ZNF280D: variants seen among roughly 807,000 people sequenced by gnomAD.
ZNF280D encodes the protein zinc finger protein 280D.
ZNF280D carries 39 observed loss-of-function variants against 94.7 expected under a neutral mutation model. That is an observed-to-expected ratio of 0.41 (90% CI 0.32 to 0.54). ZNF280D has a LOEUF of 0.54. ZNF280D is among the 20% of genes least tolerant of loss of function. The pLI, the probability that ZNF280D is intolerant of heterozygous loss-of-function variation, is 0.22. For missense variants in ZNF280D, 1,090 were observed against 1,149.3 expected (o/e 0.95, Z 0.75); for synonymous variants, 398 against 377.6 (o/e 1.05, Z -0.63).
Position 56,689,011 on chromosome 15 carries a change from T to A in ZNF280D, c.780+30A>T, listed in dbSNP as rs757679381. 1.5e-5 allele frequency: 22 copies of A among 1,502,642 alleles called. No individual in the cohort carries two copies. In the East Asian group the frequency reaches 5.0e-4, roughly 34 times the overall value. The allele number at this position is 1,502,642 out of a possible 1,614,324, so 93.1% of individuals were successfully genotyped here. On this transcript the variant is annotated intron_variant, in intron 9 of 21. Transcript: ENST00000267807. ...AGTATTTTTAGAAATGTGCAAACTT[T>A]TTACAAATTAAATTTTGAAAGAGTT...
At chr15:56,636,732 C>T (rs1219533563) in intron 20 of ZNF280D, among the ~76,000 whole-genome samples, 1 of 152,122 alleles carries the variant, frequency 6.6e-6, no homozygotes, top group Admixed American at 6.5e-5. Flanking sequence ...GATCCACCCA[C>T]CTCGGCCTCC....
intron 3 of ZNF280D, 38 bp downstream of exon 3, chr15:56,707,044 C>T (rs1268147794): frequency 1.2e-6 from 2 of 1,600,576 alleles, no homozygotes; most frequent in African/African-American, 1.3e-5. Flanking sequence ...GATACAAAAG[C>T]CACATATATT....
At chr15:56,639,368 G>A (rs528522909) in intron 20 of ZNF280D, among the ~76,000 whole-genome samples, 2 of 150,136 alleles carry the variant, frequency 1.3e-5, no homozygotes, top group African/African-American at 4.9e-5. Flanking sequence ...AAAAAAAGGA[G>A]AACACAGAAA....
At chr15:56,720,132 T>C (rs374950657) in intron 1 of ZNF280D, among the ~76,000 whole-genome samples, 3 of 152,322 alleles carry the variant, frequency 2.0e-5, no homozygotes, top group African/African-American at 7.2e-5. Context: ...TAGCATTTGA[T>C]CCACAGTAGA....
chr15:56,650,550 T>C (rs1224940426), intron 19 of ZNF280D, among the ~76,000 whole-genome samples: 6 of 152,236 alleles, frequency 3.9e-5, no homozygotes, highest in Middle Eastern at 6.8e-3. Context: ...CTAAATCAAC[T>C]TTTAAAATCT....
chr15:56,730,622 A>C (rs544301422), intron 1 of ZNF280D: 1 of 152,374 alleles, frequency 6.6e-6, no homozygotes, highest in African/African-American at 2.4e-5. Flanking sequence ...GGTCCTAAGC[A>C]AACTTTCAAA....
chr15:56,732,189 A>C (rs1261342693), intron 1 of ZNF280D, among the ~76,000 whole-genome samples: 1 of 152,164 alleles, frequency 6.6e-6, no homozygotes, highest in East Asian at 1.9e-4. Context: ...GGCTCTTCCT[A>C]GTCAGTGACC....
chr15:56,718,526 G>A (rs1179513360), intron 1 of ZNF280D, among the ~76,000 whole-genome samples: 1 of 152,050 alleles, frequency 6.6e-6, no homozygotes, highest in African/African-American at 2.4e-5. Context: ...TTAATACATA[G>A]AAAGGCTATG....
chr15:56,666,288 C>T, intron 16 of ZNF280D, 107 bp downstream of exon 16: 1 of 1,165,344 alleles, frequency 8.6e-7, no homozygotes, highest in Non-Finnish European at 1.2e-6. Context: ...ATCCTTTTAG[C>T]TCCTTGAAGA....
chr15:56,689,208 A>G (rs1288041274), intron 8 of ZNF280D, 58 bp from the exon 9 acceptor site: 1 of 1,559,776 alleles, frequency 6.4e-7, no homozygotes, highest in Non-Finnish European at 8.7e-7. Context: ...ACCTTAAATA[A>G]CCACTAATAA....
In ZNF280D at chr15:56,670,189, GTTTA is replaced by G. The variant is rs747075583; in HGVS notation, c.1411-1236_1411-1233del. 3.7e-4 allele frequency among the ~76,000 whole-genome samples: 54 copies of G among 144,822 alleles called. No individual in the cohort carries two copies. In the South Asian group the frequency reaches 7.4e-3, roughly 20 times the overall value. ...TCACTATGTCCATTGAAATACAACT[GTTTA>G]TTTATTTATTTATTAACTTTTAAGC... is the stretch of plus-strand genomic sequence containing the variant. On this transcript the variant is annotated intron_variant, in intron 13 of 21. Transcript: ENST00000267807.
Position 56,631,536 on chromosome 15 carries a change from C to T in ZNF280D, c.2902G>A (p.Ala968Thr), listed in dbSNP as rs376098666. 1.9e-6 allele frequency: 3 copies of T among 1,613,842 alleles called. No homozygotes were observed. The Admixed American group carries it at 5.0e-5, about 27-fold the overall frequency. ...PGGNNPSTTE[A>T]TVDLEDEKER... Reference sequence around the variant, plus strand: ...TTTTCGTCTTCCAGGTCTACTGTTGCCTCTGTTGTGCTAGGGTTATTTCCT... The same window carrying T: ...TTTTCGTCTTCCAGGTCTACTGTTGTCTCTGTTGTGCTAGGGTTATTTCCT... The change falls in exon 22 of 22, where the codon GCA becomes ACA. Residue 968 changes from alanine (A) to threonine (T), a missense_variant. Ala to Thr is a moderately conservative substitution (Grantham distance 58, BLOSUM62 0). This residue lies in a region of ZNF280D where 577 missense variants were observed against 568.8 expected (regional missense o/e 1.01). Coordinates refer to ENST00000267807, the MANE Select transcript of ZNF280D (RefSeq NM_017661.4).
rs906904714 is a variant in ZNF280D at position 56,661,176 on chromosome 15, A to G, written c.1995-2690T>C. Among the ~76,000 whole-genome samples, 11 of 152,318 alleles carry G rather than the reference A, an allele frequency of 7.2e-5. No homozygotes were observed. In the East Asian group the frequency reaches 2.1e-3, roughly 29 times the overall value. On this transcript the variant is annotated intron_variant, in intron 16 of 21. Transcript: ENST00000267807. ...ACAATTAGGAGTTCACTGCAGTTAG[A>G]AGACTCTTACTGCTTCACTTCCAGG...
At chr15:56,690,281 C>G (rs1461499559) in intron 7 of ZNF280D, among the ~76,000 whole-genome samples, 1 of 152,090 alleles carries the variant, frequency 6.6e-6, no homozygotes, top group African/African-American at 2.4e-5. Flanking sequence ...ACTCGGGAGG[C>G]TGAGGCAGGA....
chr15:56,724,714 C>T (rs2058546377), intron 1 of ZNF280D: 2 of 258,068 alleles, frequency 7.7e-6, no homozygotes, highest in African/African-American at 4.5e-5. Context: ...TAACTGTGAA[C>T]ATACTTTATA....
In ZNF280D at chr15:56,669,915, TATATA is replaced by T. The variant is rs2054637276; in HGVS notation, c.1411-963_1411-959del. Among the ~76,000 whole-genome samples the T allele has an allele frequency of 8.7e-4, 2 of 2,304 alleles. 1 individual carries two copies. Among genetic ancestry groups the T allele is most frequent in the Non-Finnish European group, 1.8e-3 (2 of 1,140 alleles). The allele number at this position is 2,304 out of a possible 152,430, so 1.5% of individuals were successfully genotyped here. On this transcript the variant is annotated intron_variant, in intron 13 of 21. Transcript: ENST00000267807. ...ATATATATATATAATATATATATAT[TATATA>T]TATATTATATATATATTATATATAT...
chr15:56,656,666 T>C (rs766381803), intron 17 of ZNF280D, among the ~76,000 whole-genome samples: 4 of 152,186 alleles, frequency 2.6e-5, no homozygotes, highest in Admixed American at 1.3e-4. Flanking sequence ...ATTTTCCACG[T>C]ACATCATTTT....
At chr15:56,654,647 G>A in intron 17 of ZNF280D, 144 bp from the exon 18 acceptor site, 1 of 694,516 alleles carries the variant, frequency 1.4e-6, no homozygotes, top group South Asian at 1.9e-5. Flanking sequence ...GACATAAACT[G>A]ACATTATTCT....
At position 56,693,224 on chromosome 15, in the gene ZNF280D, T is replaced by C. The variant is rs764679838; in HGVS notation, c.382-9A>G. 16 of 1,329,778 alleles carry C rather than the reference T, an allele frequency of 1.2e-5. No individual in the cohort carries two copies. The highest frequency in any genetic ancestry group is 1.6e-5 in the South Asian group (1 of 60,824). The allele number at this position is 1,329,778 out of a possible 1,614,324, so 82.4% of individuals were successfully genotyped here. On this transcript the variant is annotated splice_polypyrimidine_tract_variant and intron_variant, in intron 6 of 21. Transcript: ENST00000267807. ...GAGTTTGTTATATAACCCTGTTAAA[T>C]AGTTCAAAGGAAAAATAATACATTT...
Sources: gnomAD v4.1 joint callset for allele counts (sites outside exome capture counted in the v4.1 genomes callset) on GRCh38, gnomAD v4.1.1 for gene constraint, gnomAD v4.1.1 regional missense constraint, MANE v1.5 for transcripts, NCBI Gene and HGNC (gene_info 2026-07-23, HGNC 2026-07-21) for gene names.